The following ACSF3 variants were observed in gnomAD, a reference collection of about 807,000 sequenced individuals.
ACSF3 encodes malonate--CoA ligase ACSF3, mitochondrial.
In ACSF3, 78 loss-of-function variants were observed where a neutral mutation model predicts 53.2. The ratio of observed to expected loss-of-function variants is 1.47; its 90% CI spans 1.22 to 1.77. The LOEUF (loss-of-function observed/expected upper bound fraction) is 1.77. Among genes scored for constraint, ACSF3 ranks in the 40% most tolerant of loss-of-function variants. ACSF3 has a pLI of 0.00. For synonymous variants in ACSF3, 414 were observed against 333.1 expected, an observed-to-expected ratio of 1.24 and a Z score of -2.65; for missense variants, 937 against 771.1, an observed-to-expected ratio of 1.22 and a Z score of -2.55.
chr16:89,135,652 A>T (rs1250985175), intron 8 of ACSF3, among the ~76,000 whole-genome samples: 1 of 152,232 alleles, frequency 6.6e-6, no homozygotes, highest in African/African-American at 2.4e-5. Context: ...CAGCCTGTCC[A>T]TGACTTCCCT....
intron 7 of ACSF3, among the ~76,000 whole-genome samples, chr16:89,124,370 T>G (rs1907476709): frequency 6.7e-6 from 1 of 148,852 alleles, no homozygotes; most frequent in Non-Finnish European, 1.5e-5. Context: ...CTGTGCACAC[T>G]GCATGTGTGT....
At chr16:89,119,721 G>A (rs976082317) in intron 6 of ACSF3, among the ~76,000 whole-genome samples, 5 of 152,146 alleles carry the variant, frequency 3.3e-5, no homozygotes, top group African/African-American at 9.7e-5. Flanking sequence ...GTGACACTCC[G>A]CACACCACAC....
At chr16:89,118,126 G>A (rs1883914466) in intron 6 of ACSF3, among the ~76,000 whole-genome samples, 1 of 146,236 alleles carries the variant, frequency 6.8e-6, no homozygotes, top group Admixed American at 6.8e-5. Context: ...GATTCCCTCG[G>A]GCGCCGGGGA....
intron 4 of ACSF3, among the ~76,000 whole-genome samples, chr16:89,104,934 G>A (rs1178256080): frequency 6.6e-6 from 1 of 152,230 alleles, no homozygotes; most frequent in African/African-American, 2.4e-5. Flanking sequence ...AAATCTAGCA[G>A]TTACTACCGT....
intron 8 of ACSF3, among the ~76,000 whole-genome samples, chr16:89,140,364 C>G (rs1291007654): frequency 2.0e-5 from 3 of 152,210 alleles, no homozygotes; most frequent in Non-Finnish European, 4.4e-5. Context: ...CTTGGCCTCT[C>G]TGTACACACA....
chr16:89,154,889 C>G lies in ACSF3; in HGVS notation c.*682C>G, dbSNP rs1470618989. On this transcript the variant is annotated 3_prime_UTR_variant, in exon 11 of 11. Transcript: ENST00000614302. Reference sequence around the variant, plus strand: ...CGGAGCTGCTCTGCCGTGACCCTGCCTCACCCCCCAGCGCAGGGACTTTCC... The same window carrying G: ...CGGAGCTGCTCTGCCGTGACCCTGCGTCACCCCCCAGCGCAGGGACTTTCC... 5 of 454,114 alleles carry G rather than the reference C, an allele frequency of 1.1e-5. No individual in the cohort carries two copies. Among genetic ancestry groups the G allele is most frequent in the South Asian group, 6.2e-5 (4 of 64,464 alleles). 28.1% of individuals were successfully genotyped at this position (454,114 alleles called of 1,614,324 possible).
chr16:89,100,493 G>A, intron 2 of ACSF3, 169 bp from the exon 3 acceptor site: 2 of 662,206 alleles, frequency 3.0e-6, no homozygotes, highest in Non-Finnish European at 5.1e-6. Context: ...GAACGTTCCA[G>A]CAGTGTGGGT....
At position 89,155,448 on chromosome 16, in the gene ACSF3, C is replaced by G. The variant is rs766107084; in HGVS notation, c.*1241C>G. ...GGCCCCTGCTCACTTGAGCATGTCG[C>G]CCACCAAGCTTGTCTGAGGCCACAG... On this transcript the variant is annotated 3_prime_UTR_variant, in exon 11 of 11. Transcript: ENST00000614302. 5.7e-5 allele frequency: 26 copies of G among 454,168 alleles called. No individual in the cohort carries two copies. The highest frequency in any genetic ancestry group is 3.9e-4 in the South Asian group (25 of 64,484). 28.1% of individuals were successfully genotyped at this position (454,168 alleles called of 1,614,324 possible).
At chr16:89,151,323 C>T in intron 10 of ACSF3, 2 of 411,676 alleles carry the variant, frequency 4.9e-6, no homozygotes, top group South Asian at 1.8e-5. Flanking sequence ...ACATTGAAGG[C>T]AAAAAATAAA....
chr16:89,106,420 G>A (rs1457450779), intron 4 of ACSF3, among the ~76,000 whole-genome samples: 1 of 151,952 alleles, frequency 6.6e-6, no homozygotes, highest in Non-Finnish European at 1.5e-5. Context: ...AGCCTCCTGA[G>A]TAGCTGGGAT....
Position 89,100,713 on chromosome 16 carries a change from G to A in ACSF3, c.32G>A (p.Arg11His), listed in dbSNP as rs781163359. 6.2e-7 allele frequency: 1 copy of A among 1,601,976 alleles called. No homozygotes were observed. The highest frequency in any genetic ancestry group is 8.5e-7 in the Non-Finnish European group (1 of 1,179,570). The stretch of plus-strand genomic sequence containing the variant: ...CCCCATGTGGTGCTCACCTTCCGGC[G>A]CCTGGGCTGCGCCTTGGCGTCCTGC... MLPHVVLTFR[R>H]LGCALASCRL... The change falls in exon 3 of 11, where the codon CGC becomes CAC. Residue 11 changes from arginine (R) to histidine (H), a missense_variant. Physicochemically the swap from Arg to His is conservative, Grantham distance 29 (BLOSUM62 0). Transcript: ENST00000614302.
chr16:89,154,025 C>A, intron 10 of ACSF3, 65 bp from the exon 11 acceptor site: 2 of 1,525,700 alleles, frequency 1.3e-6, no homozygotes, highest in East Asian at 2.3e-5. Flanking sequence ...TACTGCTGGG[C>A]GCCTGAGTTC....
chr16:89,111,571 A>G (rs772333172), intron 4 of ACSF3, among the ~76,000 whole-genome samples: 4 of 152,238 alleles, frequency 2.6e-5, no homozygotes, highest in Non-Finnish European at 5.9e-5. Flanking sequence ...CTGAAGCTTT[A>G]TGGGCGACGC....
chr16:89,103,885 G>A (rs1177841660), intron 4 of ACSF3, among the ~76,000 whole-genome samples: 1 of 152,250 alleles, frequency 6.6e-6, no homozygotes, highest in Non-Finnish European at 1.5e-5. Flanking sequence ...CCGAGCTGCT[G>A]CGCGCAGCCT....
chr16:89,123,463 A>G (rs1410025811), intron 7 of ACSF3, among the ~76,000 whole-genome samples: 1 of 151,976 alleles, frequency 6.6e-6, no homozygotes, highest in Non-Finnish European at 1.5e-5. Flanking sequence ...GCCCCTCACT[A>G]CCACGGTCCC....
At chr16:89,105,062 C>A (rs1306627328) in intron 4 of ACSF3, among the ~76,000 whole-genome samples, 4 of 151,094 alleles carry the variant, frequency 2.6e-5, no homozygotes, top group Non-Finnish European at 5.9e-5. Context: ...AGGGTCACCT[C>A]CTGAAGAGCC....
At chr16:89,097,029 G>T (rs1567678478) in intron 1 of ACSF3, among the ~76,000 whole-genome samples, 1 of 152,382 alleles carries the variant, frequency 6.6e-6, no homozygotes, top group East Asian at 1.9e-4. Flanking sequence ...CACCAGCTCT[G>T]CTGAGCTCTG....
chr16:89,156,079 G>A lies in ACSF3; in HGVS notation c.*1872G>A, dbSNP rs953381234. Among the ~76,000 whole-genome samples, 1 of 152,170 alleles carries A rather than the reference G, an allele frequency of 6.6e-6. No homozygotes were observed. The highest frequency in any genetic ancestry group is 1.5e-5 in the Non-Finnish European group (1 of 68,014). On this transcript the variant is annotated 3_prime_UTR_variant, in exon 11 of 11. Coordinates refer to ENST00000614302, the MANE Select transcript of ACSF3 (RefSeq NM_001243279.3). ...TAAAGTCACGAGTGACTCTCCAGCT[G>A]GTCCCTGTGCCAGGCTGGTCGGCCT...
chr16:89,144,882 G>A (rs899852413), intron 8 of ACSF3, among the ~76,000 whole-genome samples: 2 of 152,214 alleles, frequency 1.3e-5, no homozygotes, highest in African/African-American at 4.8e-5. Flanking sequence ...GGCCTGAGCC[G>A]GCTTCCTAAT....
Sources: allele counts gnomAD v4.1 joint callset (sites outside exome capture counted in the v4.1 genomes callset), GRCh38; gene constraint gnomAD v4.1.1; transcripts MANE v1.5; gene names NCBI Gene and HGNC (gene_info 2026-07-23, HGNC 2026-07-21).